Variants in OR14A2 observed in about 807,000 individuals in gnomAD.
The protein encoded by OR14A2 is olfactory receptor 14A2.
For synonymous variants in OR14A2, 114 were observed against 58.6 expected (o/e 1.95, Z -4.32); for missense variants, 237 against 152.9 (o/e 1.55, Z -2.90).
chr1:247,729,118 A>AT, the OR14A2 span, among the ~76,000 whole-genome samples: 1 of 152,138 alleles, frequency 6.6e-6, no homozygotes, highest in Non-Finnish European at 1.5e-5. Flanking sequence ...GCAACAAATT[A>AT]TTTTTAAGGC....
chr1:247,734,671 T>TA, the OR14A2 span, among the ~76,000 whole-genome samples: 7 of 152,184 alleles, frequency 4.6e-5, no homozygotes, highest in East Asian at 1.3e-3. Flanking sequence ...AGGAATACCT[T>TA]AAAAATCAAT....
chr1:247,747,465 G>A, the OR14A2 span, among the ~76,000 whole-genome samples: 1 of 150,840 alleles, frequency 6.6e-6, no homozygotes, highest in Non-Finnish European at 1.5e-5. Flanking sequence ...AGGTTCATGC[G>A]ATTCTCCTGC....
upstream of OR14A2, among the ~76,000 whole-genome samples, chr1:247,727,079 G>A (rs1397407164): frequency 1.3e-5 from 2 of 150,810 alleles, no homozygotes; most frequent in Non-Finnish European, 2.9e-5. Flanking sequence ...GAAAGTCATT[G>A]GTAGCTTGAT....
chr1:247,735,774 T>A, the OR14A2 span, among the ~76,000 whole-genome samples: 1 of 152,104 alleles, frequency 6.6e-6, no homozygotes, highest in Non-Finnish European at 1.5e-5. Context: ...TCGTCGTGAG[T>A]TTAACCCGGG....
At chr1:247,747,740 A>C in the OR14A2 span, among the ~76,000 whole-genome samples, 5 of 152,176 alleles carry the variant, frequency 3.3e-5, no homozygotes, top group African/African-American at 1.2e-4. Context: ...AAGAATGATG[A>C]TTCACCATGT....
chr1:247,737,822 A>T, the OR14A2 span, among the ~76,000 whole-genome samples: 1 of 152,136 alleles, frequency 6.6e-6, no homozygotes, highest in South Asian at 2.1e-4. Flanking sequence ...ATCACATAAG[A>T]GGACACACTG....
chr1:247,743,062 G>A, the OR14A2 span, among the ~76,000 whole-genome samples: 1 of 152,116 alleles, frequency 6.6e-6, no homozygotes, highest in African/African-American at 2.4e-5. Flanking sequence ...ACATTTTTAA[G>A]TGTACTTGAA....
the OR14A2 span, among the ~76,000 whole-genome samples, chr1:247,736,020 A>G: frequency 4.3e-4 from 64 of 150,328 alleles, no homozygotes; most frequent in African/African-American, 1.5e-3. Flanking sequence ...TGTTGCTTCT[A>G]TTGATCTTAC....
the OR14A2 span, among the ~76,000 whole-genome samples, chr1:247,744,504 G>A: frequency 3.3e-5 from 5 of 152,042 alleles, no homozygotes; most frequent in Admixed American, 1.3e-4. The surrounding 1 kb of genome is among the most constrained non-coding windows in gnomAD (Gnocchi z 4.3). Flanking sequence ...GGTTAGGGTC[G>A]AATTCTCTGA....
At chr1:247,735,639 G>C in the OR14A2 span, among the ~76,000 whole-genome samples, 4 of 152,188 alleles carry the variant, frequency 2.6e-5, no homozygotes, top group African/African-American at 9.7e-5. Flanking sequence ...GTTTAAAGCT[G>C]CTTTAAAAGC....
At chr1:247,739,885 G>A in the OR14A2 span, among the ~76,000 whole-genome samples, 1 of 151,962 alleles carries the variant, frequency 6.6e-6, no homozygotes, top group African/African-American at 2.4e-5. Context: ...ATTTGTTTGT[G>A]TTTTTAGTAG....
chr1:247,723,590 G>A lies in OR14A2; in HGVS notation c.454C>T (p.Leu152Phe), dbSNP rs1412587666. Residue 152 changes from leucine (L) to phenylalanine (F), a missense_variant, in exon 1 of 1, where the codon CTC (leucine) becomes TTC (phenylalanine). Coordinates refer to ENST00000366485, the Ensembl canonical transcript of OR14A2. ...CCAGCTGTGTACGCAGTACCAAAGA[G>A]CCCTCCAATGGCCCAGGAAACACTT... 1.1e-5 allele frequency: 8 copies of A among 718,330 alleles called. No individual in the cohort carries two copies. In the Admixed American group the frequency reaches 1.6e-4, roughly 14 times the overall value. 44.5% of individuals were successfully genotyped at this position (718,330 alleles called of 1,614,324 possible).
the OR14A2 span, among the ~76,000 whole-genome samples, chr1:247,733,151 A>C: frequency 1.1e-4 from 16 of 152,116 alleles, no homozygotes; most frequent in Non-Finnish European, 2.1e-4. Context: ...CTTCCAGTTT[A>C]TTATTTCTGT....
the OR14A2 span, among the ~76,000 whole-genome samples, chr1:247,744,041 G>A: frequency 2.6e-5 from 4 of 152,084 alleles, no homozygotes; most frequent in Admixed American, 2.6e-4. This position sits in a 1 kb window ranked among gnomAD's most constrained non-coding sequence, Gnocchi z 4.3. Flanking sequence ...ACATTTAAAT[G>A]ACCGCATCTT....
the OR14A2 span, among the ~76,000 whole-genome samples, chr1:247,740,094 T>G: frequency 6.6e-6 from 1 of 152,362 alleles, no homozygotes; most frequent in African/African-American, 2.4e-5. Context: ...TGATTTTTAC[T>G]CTTGTTCTGA....
the OR14A2 span, among the ~76,000 whole-genome samples, chr1:247,740,705 C>T: frequency 1.3e-5 from 2 of 152,164 alleles, no homozygotes; most frequent in African/African-American, 4.8e-5. Context: ...TTGTTTTCTA[C>T]TCCTTGCTGC....
exon 1 of OR14A2, chr1:247,724,035 A>G (rs1300534979): frequency 1.4e-6 from 1 of 711,090 alleles, no homozygotes; most frequent in Non-Finnish European, 2.6e-6. Context: ...CCAAGGTGAC[A>G]TTGGCCATAC....
At chr1:247,732,832 C>A in the OR14A2 span, among the ~76,000 whole-genome samples, 9 of 152,208 alleles carry the variant, frequency 5.9e-5, no homozygotes, top group African/African-American at 1.4e-4. Context: ...AGTGAAGAAG[C>A]AAGTCTGAAA....
At chr1:247,726,964 T>G (rs1269630873), upstream of OR14A2, among the ~76,000 whole-genome samples, 1 of 146,896 alleles carries the variant, frequency 6.8e-6, no homozygotes, top group South Asian at 2.1e-4. Context: ...AGTCAGGTAG[T>G]GTGATGCCTC....
Sources: allele counts gnomAD v4.1 joint callset (sites outside exome capture counted in the v4.1 genomes callset), GRCh38; gene constraint gnomAD v4.1.1; non-coding constraint Gnocchi (gnomAD v3.1); transcripts MANE v1.5; gene names NCBI Gene and HGNC (gene_info 2026-07-23, HGNC 2026-07-21).